Variants in GGA2 observed in about 807,000 individuals in gnomAD.
GGA2 encodes the protein golgi associated, gamma adaptin ear containing, ARF binding protein 2.
GGA2 carries 48 observed loss-of-function variants against 79.5 expected under a neutral mutation model. The observed-to-expected ratio is 0.60, with a 90% CI of 0.48 to 0.77. The LOEUF (loss-of-function observed/expected upper bound fraction) is 0.77, where lower values mean the gene tolerates loss of function less well. GGA2 is among the 30% of genes least tolerant of loss of function. The pLI, the probability that GGA2 is intolerant of heterozygous loss-of-function variation, is 0.00. For synonymous variants in GGA2, 317 were observed against 302.0 expected (o/e 1.05, Z -0.51); for missense variants, 770 against 774.0 (o/e 0.99, Z 0.06).
At chr16:23,496,621 C>T (rs193184002) in intron 1 of GGA2, among the ~76,000 whole-genome samples, 26 of 152,154 alleles carry the variant, frequency 1.7e-4, no homozygotes, top group African/African-American at 5.1e-4. Flanking sequence ...GAGTTTGAGA[C>T]CAGCATGGGC....
chr16:23,488,500 C>T, intron 6 of GGA2, 106 bp downstream of exon 6: 1 of 755,826 alleles, frequency 1.3e-6, no homozygotes, highest in African/African-American at 1.8e-5. Flanking sequence ...GAGAGGAGAA[C>T]CCATGTAACC....
chr16:23,507,959 C>CA (rs1391128801), intron 1 of GGA2, among the ~76,000 whole-genome samples: 8 of 151,808 alleles, frequency 5.3e-5, no homozygotes, highest in Non-Finnish European at 1.5e-5. Context: ...GACTCTGTTT[C>CA]AAAAAAAGCT....
intron 15 of GGA2, 102 bp downstream of exon 15, chr16:23,469,894 A>T: frequency 1.2e-6 from 1 of 832,150 alleles, no homozygotes; most frequent in Non-Finnish European, 1.8e-6. Flanking sequence ...AGTTAGTTTG[A>T]GTGAAGATTC....
intron 1 of GGA2, among the ~76,000 whole-genome samples, chr16:23,504,579 T>C (rs1423200145): frequency 2.0e-5 from 3 of 152,226 alleles, no homozygotes; most frequent in Admixed American, 6.5e-5. Flanking sequence ...TTCAGAAGAC[T>C]TGAGCAGCTC....
intron 1 of GGA2, among the ~76,000 whole-genome samples, chr16:23,509,968 G>A (rs941839628): frequency 6.6e-5 from 10 of 151,768 alleles, no homozygotes; most frequent in African/African-American, 9.7e-5. Flanking sequence ...AGCTCGGGGT[G>A]GGAATGAGGA....
chr16:23,510,559 C>CCT (rs1555501360), upstream of GGA2: 6 of 389,370 alleles, frequency 1.5e-5, no homozygotes, highest in African/African-American at 1.0e-4. Flanking sequence ...CCAGGCCCCC[C>CCT]CTCCACGCGG....
intron 15 of GGA2, 49 bp downstream of exon 15, chr16:23,469,947 C>T (rs371066023): frequency 4.4e-6 from 6 of 1,350,162 alleles, no homozygotes; most frequent in Non-Finnish European, 5.9e-6. Context: ...AAGAACCTGG[C>T]ACTCAAAAAC....
intron 11 of GGA2, 58 bp downstream of exon 11, chr16:23,479,707 G>C (rs1964623069): frequency 6.3e-7 from 1 of 1,597,400 alleles, no homozygotes; most frequent in Non-Finnish European, 8.6e-7. Flanking sequence ...AAGGGAACCA[G>C]CTCACTCCCC....
intron 8 of GGA2, among the ~76,000 whole-genome samples, chr16:23,484,164 T>C (rs1289044078): frequency 1.3e-4 from 19 of 150,938 alleles, no homozygotes; most frequent in African/African-American, 4.1e-4. Context: ...TCCCAGCACT[T>C]TGGGAGGCTG....
rs1488457967 is a variant in GGA2, at chr16:23,473,108, A to G, written c.1450+1796T>C. On this transcript the variant is annotated intron_variant, in intron 14 of 16. Transcript: ENST00000309859. ...TAGTGCATATATATATAAGTTCATT[A>G]AAAATCAAGTTTTTAAAGAACAACT... Among the ~76,000 whole-genome samples the G allele has an allele frequency of 3.9e-5, 6 of 151,922 alleles. No individual in the cohort carries two copies. In the East Asian group the frequency reaches 9.7e-4, roughly 24 times the overall value.
chr16:23,517,818 C>T (rs1965110773), intron 2 of GGA2, among the ~76,000 whole-genome samples: 1 of 152,128 alleles, frequency 6.6e-6, no homozygotes, highest in Admixed American at 6.5e-5. Flanking sequence ...CCAGGATGGT[C>T]TCGATTTCCT....
chr16:23,473,256 A>G (rs557165625), intron 14 of GGA2, among the ~76,000 whole-genome samples: 1 of 151,772 alleles, frequency 6.6e-6, no homozygotes, highest in South Asian at 2.1e-4. Context: ...TGATAAGACA[A>G]GAAAATCTAT....
At chr16:23,501,411 A>G (rs1330532580) in intron 1 of GGA2, 1 of 442,060 alleles carries the variant, frequency 2.3e-6, no homozygotes, top group Non-Finnish European at 4.5e-6. Context: ...AAGATGGAGA[A>G]GTGTTTTTTG....
chr16:23,518,017 A>G (rs1027316822), intron 2 of GGA2, among the ~76,000 whole-genome samples: 3 of 151,900 alleles, frequency 2.0e-5, no homozygotes, highest in Non-Finnish European at 4.4e-5. Context: ...GATTCAAGCG[A>G]TTCTCCTGCC....
intron 9 of GGA2, among the ~76,000 whole-genome samples, chr16:23,482,129 T>C (rs1257152470): frequency 1.3e-5 from 2 of 152,186 alleles, no homozygotes; most frequent in African/African-American, 4.8e-5. Context: ...CCAGGCGTGA[T>C]GGTGGGTGCC....
intron 9 of GGA2, among the ~76,000 whole-genome samples, chr16:23,482,265 A>C (rs1964657542): frequency 2.0e-5 from 3 of 152,230 alleles, no homozygotes; most frequent in Admixed American, 2.0e-4. Flanking sequence ...CTCCATCTCC[A>C]AAATAATTAA....
chr16:23,476,629 G>A lies in GGA2; in HGVS notation c.1293-1568C>T, dbSNP rs908371356. Among the ~76,000 whole-genome samples, 8 of 152,306 alleles carry A rather than the reference G, an allele frequency of 5.3e-5. No homozygotes were observed. The South Asian group carries it at 1.5e-3, about 28-fold the overall frequency. ...AGATATAATATGAAAAGGTCATGCT[G>A]GAGTGCGGTTTATAAATTAAAATCC... On this transcript the variant is annotated intron_variant, in intron 13 of 16. Transcript: ENST00000309859.
intron 7 of GGA2, 62 bp downstream of exon 7, chr16:23,486,648 T>A: frequency 1.1e-6 from 1 of 940,002 alleles, no homozygotes; most frequent in Non-Finnish European, 1.8e-6. Flanking sequence ...TAGGCTCATA[T>A]GCACTGTCCT....
chr16:23,504,379 G>A (rs966898286), intron 1 of GGA2, among the ~76,000 whole-genome samples: 6 of 152,214 alleles, frequency 3.9e-5, no homozygotes, highest in Non-Finnish European at 5.9e-5. Context: ...AAGCAGGCCT[G>A]TCTCATTCAC....
Sources: allele counts gnomAD v4.1 joint callset (sites outside exome capture counted in the v4.1 genomes callset), GRCh38; gene constraint gnomAD v4.1.1; transcripts MANE v1.5; gene names NCBI Gene and HGNC (gene_info 2026-07-23, HGNC 2026-07-21).